The following NTNG1 variants were observed in gnomAD, a reference collection of about 807,000 sequenced individuals.
NTNG1 encodes netrin G1.
In NTNG1, 16 loss-of-function variants were observed where a neutral mutation model predicts 54.0. The ratio of observed to expected loss-of-function variants is 0.30; its 90% confidence interval spans 0.20 to 0.45. The LOEUF is 0.45. NTNG1 is among the 20% of genes least tolerant of loss of function. NTNG1 has a pLI of 1.00. For missense variants in NTNG1, 530 were observed against 678.7 expected, an observed-to-expected ratio of 0.78 and a Z score of 2.43; for synonymous variants, 255 against 263.1, an observed-to-expected ratio of 0.97 and a Z score of 0.30.
chr1:107,292,582 A>G (rs1254983839), intron 2 of NTNG1, among the ~76,000 whole-genome samples: 1 of 152,142 alleles, frequency 6.6e-6, no homozygotes, highest in Non-Finnish European at 1.5e-5. Context: ...ACACTTTCCC[A>G]ATAAGATCTC....
chr1:107,197,961 C>T (rs1258482809), intron 2 of NTNG1, among the ~76,000 whole-genome samples: 2 of 151,956 alleles, frequency 1.3e-5, no homozygotes, highest in Non-Finnish European at 2.9e-5. Context: ...TTCCCAGGCC[C>T]TTATGATAAT....
chr1:107,480,946 C>A lies in NTNG1; in HGVS notation c.*106C>A. 2 of 811,622 alleles carry A rather than the reference C, an allele frequency of 2.5e-6. No homozygotes were observed. The highest frequency in any genetic ancestry group is 3.9e-6 in the Non-Finnish European group (2 of 508,028). 50.3% of individuals were successfully genotyped at this position (811,622 alleles called of 1,614,324 possible). A position where few individuals can be genotyped will look rare whatever the true frequency, so the allele number is the denominator to read the frequency against. On this transcript the variant is annotated 3_prime_UTR_variant, in exon 8 of 8. Transcript: ENST00000370068. ...ACACACACATACAGACACCCCCACT[C>A]AGACAGTGTACAAACTAAGAAGGCC... is the stretch of plus-strand genomic sequence containing the variant.
chr1:107,323,328 T>C (rs1462011771), intron 2 of NTNG1, among the ~76,000 whole-genome samples: 2 of 152,134 alleles, frequency 1.3e-5, no homozygotes, highest in Non-Finnish European at 2.9e-5. Flanking sequence ...AATCTACTGA[T>C]GAAAGCTGAG....
intron 7 of NTNG1, among the ~76,000 whole-genome samples, chr1:107,439,225 T>G (rs997298165): frequency 1.3e-5 from 2 of 151,632 alleles, no homozygotes; most frequent in Admixed American, 1.3e-4. Flanking sequence ...CTTTCCAGGA[T>G]AGGAATCTTG....
At chr1:107,163,576 T>G (rs1570740024) in intron 2 of NTNG1, among the ~76,000 whole-genome samples, 1 of 152,126 alleles carries the variant, frequency 6.6e-6, no homozygotes, top group Non-Finnish European at 1.5e-5. Flanking sequence ...GCTTGTGAGG[T>G]TCAGGCTCCA....
chr1:107,238,620 A>G (rs1465740104), intron 2 of NTNG1, among the ~76,000 whole-genome samples: 1 of 152,058 alleles, frequency 6.6e-6, no homozygotes, highest in African/African-American at 2.4e-5. Context: ...CCTGCGCTGT[A>G]TCTGTGAGCG....
intron 3 of NTNG1, among the ~76,000 whole-genome samples, chr1:107,390,240 C>A (rs61799246): frequency 2.0e-5 from 3 of 152,296 alleles, no homozygotes; most frequent in South Asian, 2.1e-4. Context: ...AAAAGCTTCA[C>A]CAGATGTGAA....
At chr1:107,253,561 T>G (rs1415892366) in intron 2 of NTNG1, among the ~76,000 whole-genome samples, 1 of 152,206 alleles carries the variant, frequency 6.6e-6, no homozygotes, top group African/African-American at 2.4e-5. Context: ...CTCATTTCAT[T>G]TCATTTTCAT....
chr1:107,441,249 A>AT lies in NTNG1; in HGVS notation c.1390+4450_1390+4451insT, dbSNP rs1675946128. Among the ~76,000 whole-genome samples, 3 of 11,380 alleles carry AT rather than the reference A, an allele frequency of 2.6e-4. No individual in the cohort carries two copies. In the Non-Finnish European group the frequency reaches 0.014, roughly 53 times the overall value. 7.5% of individuals were successfully genotyped at this position (11,380 alleles called of 152,430 possible). A position where few individuals can be genotyped will look rare whatever the true frequency, so the allele number is the denominator to read the frequency against. ...GAGATTTATGACTTTTCAGTTTGGG[A>AT]GGTAGAAATAGCCACTTGTAGAACT... is the stretch of plus-strand genomic sequence containing the variant. On this transcript the variant is annotated intron_variant, in intron 7 of 7. Transcript: ENST00000370068.
chr1:107,323,121 A>C (rs1667744351), intron 2 of NTNG1, among the ~76,000 whole-genome samples: 3 of 151,914 alleles, frequency 2.0e-5, no homozygotes, highest in Non-Finnish European at 2.9e-5. Flanking sequence ...AAAAAAAGGA[A>C]AGAAAGAAAG....
intron 5 of NTNG1, among the ~76,000 whole-genome samples, chr1:107,426,213 G>GT (rs1202562702): frequency 6.6e-6 from 1 of 151,900 alleles, no homozygotes; most frequent in Non-Finnish European, 1.5e-5. Context: ...TGTTGTATTT[G>GT]TTTTTTCGGT....
chr1:107,248,350 A>G (rs1002684271), intron 2 of NTNG1, among the ~76,000 whole-genome samples: 5 of 152,192 alleles, frequency 3.3e-5, no homozygotes, highest in Non-Finnish European at 1.5e-5. Context: ...GGGTTCACCT[A>G]TGTAATACGA....
chr1:107,152,495 A>AT (rs1404695471), intron 2 of NTNG1, among the ~76,000 whole-genome samples: 1 of 152,160 alleles, frequency 6.6e-6, no homozygotes, highest in Non-Finnish European at 1.5e-5. Context: ...AAATGGCAAA[A>AT]TTATCTGCAG....
chr1:107,373,812 ACT>A (rs1169214209), intron 3 of NTNG1, among the ~76,000 whole-genome samples: 6 of 151,670 alleles, frequency 4.0e-5, no homozygotes, highest in Admixed American at 2.0e-4. Flanking sequence ...AATCCTCATG[ACT>A]CAGCCTCTCA....
chr1:107,465,183 G>A (rs1483156341), intron 7 of NTNG1, among the ~76,000 whole-genome samples: 3 of 152,180 alleles, frequency 2.0e-5, no homozygotes, highest in African/African-American at 7.2e-5. Flanking sequence ...AAATGCAGAA[G>A]CCACGTGAAA....
At chr1:107,280,034 G>GGTGTGTGTGTGTGTGT (rs58563513) in intron 2 of NTNG1, among the ~76,000 whole-genome samples, 109 of 146,552 alleles carry the variant, frequency 7.4e-4, no homozygotes, top group African/African-American at 2.7e-3. Flanking sequence ...TTCCTTTGTT[G>GGTGTGTGTGTGTGTGT]GTGTGTGTGT....
rs140796679 is a variant in NTNG1, at chr1:107,345,920, T to A, written c.887+20998T>A. ...GTTCATTAGTTCACTTGGCATAGAT[T>A]GTATAACTTGTGAATCTATTTTCTG... On this transcript the variant is annotated intron_variant, in intron 3 of 7. Coordinates refer to ENST00000370068, the MANE Select transcript of NTNG1 (RefSeq NM_001113226.3). Among the ~76,000 whole-genome samples the A allele has an allele frequency of 8.5e-5, 13 of 152,282 alleles. No individual in the cohort carries two copies. In the East Asian group the frequency reaches 2.5e-3, roughly 29 times the overall value.
At chr1:107,472,763 T>C (rs1678068203) in intron 7 of NTNG1, among the ~76,000 whole-genome samples, 1 of 152,096 alleles carries the variant, frequency 6.6e-6, no homozygotes, top group Admixed American at 6.5e-5. Context: ...GGGGCGGGGA[T>C]GGATTGCAGT....
At chr1:107,343,405 A>G (rs1244362838) in intron 3 of NTNG1, among the ~76,000 whole-genome samples, 1 of 152,132 alleles carries the variant, frequency 6.6e-6, no homozygotes, top group Non-Finnish European at 1.5e-5. Flanking sequence ...CAACCATAGA[A>G]ATTAACTATG....
Sources: gnomAD v4.1 joint callset for allele counts (sites outside exome capture counted in the v4.1 genomes callset) on GRCh38, gnomAD v4.1.1 for gene constraint, MANE v1.5 for transcripts, NCBI Gene and HGNC (gene_info 2026-07-23, HGNC 2026-07-21) for gene names.